Variants in GCNT4 observed in about 807,000 individuals in gnomAD.
GCNT4 encodes the protein beta-1,3-galactosyl-O-glycosyl-glycoprotein beta-1,6-N-acetylglucosaminyltransferase 4.
In GCNT4, 17 loss-of-function variants were observed where a neutral mutation model predicts 31.3. That is an observed-to-expected ratio of 0.54 (90% CI 0.37 to 0.81). The LOEUF (loss-of-function observed/expected upper bound fraction) is 0.81. Among genes scored for constraint, GCNT4 ranks in the 40% least tolerant of loss-of-function variants. The probability of loss-of-function intolerance (pLI) is 0.00; values close to 1 mark genes in which losing one functional copy is unlikely to be tolerated. For synonymous variants in GCNT4, 158 were observed against 190.6 expected (o/e 0.83, Z 1.41); for missense variants, 503 against 525.5 (o/e 0.96, Z 0.42).
chr5:75,022,442 T>C (rs527457730), downstream of GCNT4, among the ~76,000 whole-genome samples: 1 of 152,338 alleles, frequency 6.6e-6, no homozygotes, highest in South Asian at 2.1e-4. Context: ...AATATTAAAA[T>C]CAGCCTAATG....
At chr5:75,033,922 T>C (rs1267167463) in intron 3 of GCNT4, among the ~76,000 whole-genome samples, 1 of 152,056 alleles carries the variant, frequency 6.6e-6, no homozygotes, top group Non-Finnish European at 1.5e-5. Flanking sequence ...CACTTATGAG[T>C]GAGAACATGA....
At chr5:75,048,420 T>A (rs1743493515) in intron 2 of GCNT4, among the ~76,000 whole-genome samples, 1 of 152,162 alleles carries the variant, frequency 6.6e-6, no homozygotes, top group African/African-American at 2.4e-5. Flanking sequence ...CATGGAGAAT[T>A]GTGGTTCGTG....
Position 75,027,320 on chromosome 5 carries a change from AAT to A in GCNT4, c.*1354_*1355del, listed in dbSNP as rs1210974806. ...TATATATATAATTATATGTATATAT[AAT>A]ATATATTCATATACAATATATGTAT... On this transcript the variant is annotated 3_prime_UTR_variant, in exon 4 of 4. Coordinates refer to ENST00000652361, the MANE Select transcript of GCNT4 (RefSeq NM_001366737.1). 1.5e-5 allele frequency: 1 copy of A among 66,488 alleles called. No individual in the cohort carries two copies. The highest frequency in any genetic ancestry group is 3.9e-4 in the South Asian group (1 of 2,570). The allele number at this position is 66,488 out of a possible 1,614,324, so 4.1% of individuals were successfully genotyped here. A position where few individuals can be genotyped will look rare whatever the true frequency, so the allele number is the denominator to read the frequency against.
At chr5:75,025,316 A>G (rs1218855563), downstream of GCNT4, 1 of 152,244 alleles carries the variant, frequency 6.6e-6, no homozygotes, top group African/African-American at 2.4e-5. Context: ...CAGCAAAACC[A>G]GAGAAAGGAA....
chr5:75,022,038 A>G (rs56245770), downstream of GCNT4, among the ~76,000 whole-genome samples: 1 of 152,150 alleles, frequency 6.6e-6, no homozygotes, highest in Non-Finnish European at 1.5e-5. Flanking sequence ...CTTAGAGTTC[A>G]TAATTTTTTT....
intron 3 of GCNT4, among the ~76,000 whole-genome samples, chr5:75,045,076 G>T (rs1449463214): frequency 6.6e-6 from 1 of 151,960 alleles, no homozygotes; most frequent in Non-Finnish European, 1.5e-5. Context: ...AACTTTTCTT[G>T]TTTCTTATTT....
At chr5:75,033,793 C>A (rs969268734) in intron 3 of GCNT4, among the ~76,000 whole-genome samples, 1 of 151,894 alleles carries the variant, frequency 6.6e-6, no homozygotes, top group Non-Finnish European at 1.5e-5. Context: ...AGGTTTTAAG[C>A]CCCGAATGCA....
At chr5:75,052,264 A>G (rs1743590445) in intron 1 of GCNT4, 37 bp from the exon 2 acceptor site, 1 of 151,872 alleles carries the variant, frequency 6.6e-6, no homozygotes, top group Admixed American at 6.6e-5. Context: ...AAAAAAAAGA[A>G]AAAGAAAAAA....
chr5:75,046,322 G>C (rs368229068), intron 3 of GCNT4, among the ~76,000 whole-genome samples: 3 of 152,144 alleles, frequency 2.0e-5, no homozygotes, highest in East Asian at 3.9e-4. Flanking sequence ...TAGAATGTGG[G>C]GGTGTAGAGA....
At chr5:75,030,067 T>G in intron 3 of GCNT4, 29 bp from the exon 4 acceptor site, 1 of 1,552,896 alleles carries the variant, frequency 6.4e-7, no homozygotes, top group Non-Finnish European at 8.7e-7. Context: ...ATAATCCAGT[T>G]GGAATATTAA....
rs112294575 is a variant in GCNT4, at chr5:75,047,100, A to G, written c.-2+797T>C. Among the ~76,000 whole-genome samples, 671 of 152,228 alleles carry G rather than the reference A, an allele frequency of 4.4e-3. 3 individuals carry two copies. The highest frequency in any genetic ancestry group is 0.014 in the Middle Eastern group (4 of 294). Reference sequence around the variant, plus strand: ...TATAATTTCCTACTTTCTCCAATCCACTATATAAGTGTTCAATTCTCACTG... The same window carrying G: ...TATAATTTCCTACTTTCTCCAATCCGCTATATAAGTGTTCAATTCTCACTG... On this transcript the variant is annotated intron_variant, in intron 3 of 3. Transcript: ENST00000652361.
At chr5:75,036,020 C>T (rs1561375323) in intron 3 of GCNT4, among the ~76,000 whole-genome samples, 2 of 151,992 alleles carry the variant, frequency 1.3e-5, no homozygotes, top group Non-Finnish European at 2.9e-5. Context: ...ATTCCAGGGC[C>T]CCCGTCCATA....
At chr5:75,034,816 G>C (rs546471089) in intron 3 of GCNT4, among the ~76,000 whole-genome samples, 1 of 152,360 alleles carries the variant, frequency 6.6e-6, no homozygotes, top group African/African-American at 2.4e-5. Flanking sequence ...GTTGAATGAG[G>C]CATTTCCCTC....
At chr5:75,032,243 C>T (rs7734427) in intron 3 of GCNT4, among the ~76,000 whole-genome samples, 59,904 of 151,982 alleles carry the variant, frequency 0.39, 14,277 homozygotes, top group African/African-American at 0.68. Context: ...CCCCCATCTC[C>T]AGATTCCACC....
the GCNT4 span, among the ~76,000 whole-genome samples, chr5:75,017,167 G>A: frequency 6.6e-6 from 1 of 152,176 alleles, no homozygotes; most frequent in Non-Finnish European, 1.5e-5. Flanking sequence ...GTGCTGAACT[G>A]CATGCTTGCT....
rs998434691 is a variant in GCNT4, at chr5:75,050,295, C to T, written c.-143+1874G>A. 3.9e-4 allele frequency among the ~76,000 whole-genome samples: 59 copies of T among 152,236 alleles called. 3 individuals are homozygous for T. Among genetic ancestry groups the T allele is most frequent in the Non-Finnish European group, 1.6e-4 (11 of 68,028 alleles). On this transcript the variant is annotated intron_variant, in intron 2 of 3. Transcript: ENST00000652361. ...TGTAAGATGTTGACAGTTTACATTA[C>T]ATGAGCTTGATATCAAAATACCATC...
chr5:75,035,110 ACCCC>A (rs1325778536), intron 3 of GCNT4, among the ~76,000 whole-genome samples: 1 of 139,390 alleles, frequency 7.2e-6, no homozygotes, highest in Non-Finnish European at 1.6e-5. Context: ...ATTCAGGGAC[ACCCC>A]AGCTAAGCGG....
At chr5:75,039,203 C>T (rs1173972754) in intron 3 of GCNT4, among the ~76,000 whole-genome samples, 2 of 152,142 alleles carry the variant, frequency 1.3e-5, no homozygotes, top group Non-Finnish European at 2.9e-5. Flanking sequence ...TCCTCTCCTG[C>T]CTCAGCCTCC....
At chr5:75,037,124 G>T (rs76900572) in intron 3 of GCNT4, among the ~76,000 whole-genome samples, 5,386 of 152,194 alleles carry the variant, frequency 0.035, 142 homozygotes, top group African/African-American at 0.082. Context: ...ATATAAAGAC[G>T]AACTCACTAA....
Sources: gnomAD v4.1 joint callset for allele counts (sites outside exome capture counted in the v4.1 genomes callset) on GRCh38, gnomAD v4.1.1 for gene constraint, MANE v1.5 for transcripts, NCBI Gene and HGNC (gene_info 2026-07-23, HGNC 2026-07-21) for gene names.